ST3GAL2: variants seen among roughly 807,000 people sequenced by gnomAD.
ST3GAL2 encodes the protein ST3 beta-galactoside alpha-2,3-sialyltransferase 2.
ST3GAL2 carries 16 observed loss-of-function variants against 37.5 expected under a neutral mutation model. The ratio of observed to expected loss-of-function variants is 0.43; its 90% CI spans 0.29 to 0.65. ST3GAL2 has a LOEUF of 0.65. ST3GAL2 is among the 30% of genes least tolerant of loss of function. ST3GAL2 has a pLI of 0.17. For missense variants in ST3GAL2, 383 were observed against 487.8 expected (o/e 0.79, Z 2.02); for synonymous variants, 238 against 202.9 (o/e 1.17, Z -1.47).
chr16:70,425,399 T>C (rs2047742897), intron 1 of ST3GAL2, among the ~76,000 whole-genome samples: 1 of 151,944 alleles, frequency 6.6e-6, no homozygotes, highest in Non-Finnish European at 1.5e-5. Context: ...GAGGCAGAGG[T>C]TGCAGTGAGC....
intron 1 of ST3GAL2, among the ~76,000 whole-genome samples, chr16:70,424,060 AAAAACAAAAC>A (rs925660056): frequency 1.3e-5 from 2 of 151,942 alleles, no homozygotes; most frequent in Non-Finnish European, 2.9e-5. Flanking sequence ...TTCGTCTCAA[AAAAACAAAAC>A]AAAACAAAAC....
At chr16:70,414,441 T>C (rs1238901237) in intron 1 of ST3GAL2, among the ~76,000 whole-genome samples, 2 of 152,206 alleles carry the variant, frequency 1.3e-5, no homozygotes, top group East Asian at 3.9e-4. Flanking sequence ...CTTCAGTCTC[T>C]TCCACACCAT....
At position 70,395,119 on chromosome 16, in the gene ST3GAL2, G is replaced by A; in HGVS notation, c.396C>T (p.Phe132=). 1 of 1,613,558 alleles carries A rather than the reference G, an allele frequency of 6.2e-7. No homozygotes were observed. Among genetic ancestry groups the A allele is most frequent in the Non-Finnish European group, 8.5e-7 (1 of 1,179,742 alleles). ...AGGGGTTCTCGCCAGGCACTATCTG[G>A]AACAGCTTCTCCAGCACCTCATTGG... is the stretch of plus-strand genomic sequence containing the variant. ...HNTNEVLEKL[F]QIVPGENPYR... The change falls in exon 3 of 7, where the codon TTC becomes TTT. Residue 132 remains phenylalanine (F), a synonymous_variant. Coordinates refer to ENST00000342907, the MANE Select transcript of ST3GAL2 (RefSeq NM_006927.4).
At chr16:70,401,753 G>A (rs980797857) in intron 1 of ST3GAL2, among the ~76,000 whole-genome samples, 2 of 152,106 alleles carry the variant, frequency 1.3e-5, no homozygotes, top group Admixed American at 1.3e-4. Flanking sequence ...ACCACTTTGG[G>A]AGCCTGAGGT....
At position 70,380,382 on chromosome 16, in the gene ST3GAL2, G is replaced by A. The variant is rs2047390003; in HGVS notation, c.*1307C>T. The A allele has an allele frequency of 1.3e-5, 2 of 152,418 alleles. No homozygotes were observed. Among genetic ancestry groups the A allele is most frequent in the East Asian group, 3.9e-4 (2 of 5,180 alleles). The allele number at this position is 152,418 out of a possible 1,614,324, so 9.4% of individuals were successfully genotyped here. A position where few individuals can be genotyped will look rare whatever the true frequency, so the allele number is the denominator to read the frequency against. On this transcript the variant is annotated 3_prime_UTR_variant, in exon 7 of 7. Coordinates refer to ENST00000342907, the MANE Select transcript of ST3GAL2 (RefSeq NM_006927.4). ...GCATCTGCGCCGTCACTGTTGGGGA[G>A]GGGGCTCTATTAGTGGTTTGAGAGC...
At chr16:70,417,164 G>GC (rs2047681970) in intron 1 of ST3GAL2, among the ~76,000 whole-genome samples, 1 of 152,192 alleles carries the variant, frequency 6.6e-6, no homozygotes, top group African/African-American at 2.4e-5. Flanking sequence ...CACACATAAA[G>GC]CTCTACCTCC....
At chr16:70,416,493 A>T (rs2047677344) in intron 1 of ST3GAL2, among the ~76,000 whole-genome samples, 1 of 152,192 alleles carries the variant, frequency 6.6e-6, no homozygotes, top group Non-Finnish European at 1.5e-5. Context: ...TCTCTGTACC[A>T]CTGTAGCGCC....
intron 3 of ST3GAL2, among the ~76,000 whole-genome samples, chr16:70,390,081 C>T (rs1017952912): frequency 2.0e-5 from 3 of 151,070 alleles, no homozygotes; most frequent in Non-Finnish European, 4.4e-5. Context: ...CCACCACGCT[C>T]GGCCCTGTTT....
intron 1 of ST3GAL2, among the ~76,000 whole-genome samples, chr16:70,412,117 C>T (rs942234918): frequency 6.6e-6 from 1 of 152,188 alleles, no homozygotes; most frequent in African/African-American, 2.4e-5. Context: ...TGAAGTACAT[C>T]TGTAACCATT....
At chr16:70,427,737 C>G (rs2047761585) in intron 1 of ST3GAL2, among the ~76,000 whole-genome samples, 1 of 152,166 alleles carries the variant, frequency 6.6e-6, no homozygotes, top group Non-Finnish European at 1.5e-5. Context: ...CTTCCTCAAC[C>G]TCTCACAGCC....
rs2151653539 is a variant in ST3GAL2, at chr16:70,379,478, C to T, written c.*2211G>A. 1 of 152,342 alleles carries T rather than the reference C, an allele frequency of 6.6e-6. No homozygotes were observed. The highest frequency in any genetic ancestry group is 2.1e-4 in the South Asian group (1 of 4,832). The allele number at this position is 152,342 out of a possible 1,614,324, so 9.4% of individuals were successfully genotyped here. A position where few individuals can be genotyped will look rare whatever the true frequency, so the allele number is the denominator to read the frequency against. Reference sequence around the variant, plus strand: ...TCCTACCAGACCCGCCTTCTTCCATCATGCCCATTTCAGAACAATGAAGGA... The same window carrying T: ...TCCTACCAGACCCGCCTTCTTCCATTATGCCCATTTCAGAACAATGAAGGA... On this transcript the variant is annotated 3_prime_UTR_variant, in exon 7 of 7. Coordinates refer to ENST00000342907, the MANE Select transcript of ST3GAL2 (RefSeq NM_006927.4).
At chr16:70,393,085 A>C (rs2047492504) in intron 3 of ST3GAL2, among the ~76,000 whole-genome samples, 1 of 146,460 alleles carries the variant, frequency 6.8e-6, no homozygotes, top group Non-Finnish European at 1.5e-5. Context: ...AGCATCTATA[A>C]ATTTTTTTTT....
At chr16:70,411,111 G>A (rs756445052) in intron 1 of ST3GAL2, among the ~76,000 whole-genome samples, 61 of 152,120 alleles carry the variant, frequency 4.0e-4, no homozygotes, top group Non-Finnish European at 7.3e-4. Flanking sequence ...GCAGCCGGGC[G>A]CAGTGGCTCA....
intron 1 of ST3GAL2, among the ~76,000 whole-genome samples, chr16:70,425,837 G>A (rs1451975949): frequency 1.3e-5 from 2 of 152,262 alleles, no homozygotes; most frequent in African/African-American, 2.4e-5. Context: ...GGGCAGAAGT[G>A]GTCCGGGTAC....
At chr16:70,390,153 C>T (rs2047473309) in intron 3 of ST3GAL2, among the ~76,000 whole-genome samples, 1 of 152,092 alleles carries the variant, frequency 6.6e-6, no homozygotes, top group African/African-American at 2.4e-5. Context: ...TGGCTCACTG[C>T]AGCCTCGACC....
chr16:70,432,792 T>G (rs1241261532), intron 1 of ST3GAL2, among the ~76,000 whole-genome samples: 2 of 152,154 alleles, frequency 1.3e-5, no homozygotes, highest in Non-Finnish European at 2.9e-5. Context: ...GCCCTTTAGT[T>G]GGTAAGGACT....
chr16:70,409,961 C>T (rs745979138), intron 1 of ST3GAL2, among the ~76,000 whole-genome samples: 5 of 151,120 alleles, frequency 3.3e-5, no homozygotes, highest in Admixed American at 6.6e-5. Context: ...GAGATGATGT[C>T]TTGCTATGTT....
intron 1 of ST3GAL2, among the ~76,000 whole-genome samples, chr16:70,410,383 T>G (rs1258982482): frequency 2.6e-5 from 4 of 151,084 alleles, no homozygotes; most frequent in African/African-American, 7.3e-5. Context: ...CCCCCGTAGC[T>G]GGGACCACAG....
intron 1 of ST3GAL2, among the ~76,000 whole-genome samples, chr16:70,420,013 C>CG (rs143145918): frequency 7.5e-5 from 11 of 146,848 alleles, no homozygotes; most frequent in Admixed American, 2.0e-4. Flanking sequence ...ACCATTTGAC[C>CG]CCCCCCTTCC....
Sources: gnomAD v4.1 joint callset for allele counts (sites outside exome capture counted in the v4.1 genomes callset) on GRCh38, gnomAD v4.1.1 for gene constraint, MANE v1.5 for transcripts, NCBI Gene and HGNC (gene_info 2026-07-23, HGNC 2026-07-21) for gene names.